The following TMEM181 variants were observed in gnomAD, a reference collection of about 807,000 sequenced individuals.
TMEM181 encodes transmembrane protein 181, also known as G protein-coupled receptor 178.
A neutral mutation model predicts 71.9 loss-of-function variants in TMEM181; 39 were observed. The ratio of observed to expected loss-of-function variants is 0.54; its 90% CI spans 0.42 to 0.71. TMEM181 has a LOEUF of 0.71. TMEM181 is among the 30% of genes least tolerant of loss of function. The pLI is 0.00. For synonymous variants in TMEM181, 245 were observed against 228.8 expected (o/e 1.07, Z -0.64); for missense variants, 595 against 583.0 (o/e 1.02, Z -0.21).
chr6:158,581,062 G>T lies in TMEM181; in HGVS notation c.168+67G>T, dbSNP rs940088657. On this transcript the variant is annotated intron_variant, in intron 3 of 16. Transcript: ENST00000684151. ...TATAAACCTCAGGTCACTGAGAAAT[G>T]GTTCCGCTTAGAGTCTTTAAGGTAG... 3.4e-6 allele frequency: 5 copies of T among 1,482,238 alleles called. No individual in the cohort carries two copies. The South Asian group carries it at 5.8e-5, about 17-fold the overall frequency. 91.8% of individuals were successfully genotyped at this position (1,482,238 alleles called of 1,614,324 possible). A position where few individuals can be genotyped will look rare whatever the true frequency, so the allele number is the denominator to read the frequency against.
exon 1 of TMEM181, chr6:158,536,645 C>G: frequency 1.4e-6 from 2 of 1,470,502 alleles, no homozygotes; most frequent in East Asian, 5.6e-5. Context: ...GCGCCAGCAG[C>G]CCGATCCCCA....
At chr6:158,561,026 A>G (rs543938720) in intron 1 of TMEM181, among the ~76,000 whole-genome samples, 7 of 152,172 alleles carry the variant, frequency 4.6e-5, no homozygotes, top group East Asian at 1.9e-4. Context: ...GGAGTGGCCC[A>G]TATGTGCAGC....
At chr6:158,601,197 G>A (rs563746757) in intron 6 of TMEM181, among the ~76,000 whole-genome samples, 39 of 152,252 alleles carry the variant, frequency 2.6e-4, no homozygotes, top group African/African-American at 9.4e-4. Flanking sequence ...ATTGTTTACT[G>A]AACTTTTGCT....
intron 3 of TMEM181, among the ~76,000 whole-genome samples, chr6:158,582,208 C>T (rs180871229): frequency 1.0e-3 from 156 of 152,196 alleles, no homozygotes; most frequent in African/African-American, 3.3e-3. Context: ...GAGGAGGTGC[C>T]GCCGTGGGCT....
At chr6:158,628,785 C>T (rs565654344) in intron 14 of TMEM181, among the ~76,000 whole-genome samples, 11 of 152,342 alleles carry the variant, frequency 7.2e-5, no homozygotes, top group South Asian at 6.2e-4. Context: ...AGCGTGCCCA[C>T]GCCACGCTGC....
intron 1 of TMEM181, among the ~76,000 whole-genome samples, chr6:158,541,570 G>A (rs1781346412): frequency 6.6e-6 from 1 of 152,190 alleles, no homozygotes; most frequent in African/African-American, 2.4e-5. Context: ...CCCACACAAA[G>A]CTCAGTGACT....
intron 1 of TMEM181, among the ~76,000 whole-genome samples, chr6:158,539,122 G>C (rs1440623120): frequency 6.6e-6 from 1 of 152,214 alleles, no homozygotes; most frequent in East Asian, 1.9e-4. Flanking sequence ...CACTTCCTTA[G>C]TTGAGTTGGA....
intron 6 of TMEM181, among the ~76,000 whole-genome samples, chr6:158,594,800 G>T (rs1784304017): frequency 6.6e-6 from 1 of 152,294 alleles, no homozygotes; most frequent in South Asian, 2.1e-4. Context: ...CGATTCTCCT[G>T]CCTCAGCCTC....
chr6:158,606,583 T>C (rs564118989), intron 7 of TMEM181, among the ~76,000 whole-genome samples: 2 of 152,346 alleles, frequency 1.3e-5, no homozygotes, highest in Admixed American at 1.3e-4. Flanking sequence ...TATATCAGAT[T>C]ATACGAAAAC....
rs748880960 is a variant in TMEM181 at position 158,536,847 on chromosome 6, A to C, written c.113A>C (p.Lys38Thr). ...CTCAAGGAGGACCTCACGCCCTTCA[A>C]GGATGACCGCTACTACAGGTGGGCG... The change falls in exon 1 of 17, where the codon AAG becomes ACG. Residue 38 changes from lysine to threonine, a missense_variant. By Grantham distance (78) the Lys-to-Thr change is moderately conservative (BLOSUM62 -1). Coordinates refer to the TMEM181 transcript ENST00000367090. 5.4e-6 allele frequency: 8 copies of C among 1,493,770 alleles called. No individual in the cohort carries two copies. In the African/African-American group the frequency reaches 1.1e-4, roughly 21 times the overall value. The allele number at this position is 1,493,770 out of a possible 1,614,324, so 92.5% of individuals were successfully genotyped here.
chr6:158,584,672 G>A (rs1358416449), intron 4 of TMEM181, among the ~76,000 whole-genome samples: 1 of 152,172 alleles, frequency 6.6e-6, no homozygotes, highest in Non-Finnish European at 1.5e-5. Context: ...GAGACACTCT[G>A]GTTGAGAAAG....
intron 10 of TMEM181, among the ~76,000 whole-genome samples, chr6:158,612,366 G>A (rs573979426): frequency 6.6e-6 from 1 of 152,342 alleles, no homozygotes; most frequent in South Asian, 2.1e-4. Flanking sequence ...TTCCTGCTGG[G>A]TGGGAGAGGT....
chr6:158,564,844 TA>T (rs1247389720), intron 1 of TMEM181, among the ~76,000 whole-genome samples: 2 of 151,950 alleles, frequency 1.3e-5, no homozygotes, highest in Non-Finnish European at 2.9e-5. Context: ...ATTGGAAAAA[TA>T]AAAACAACAG....
At chr6:158,621,224 CTCTG>C (rs1373469105) in intron 10 of TMEM181, among the ~76,000 whole-genome samples, 3 of 152,250 alleles carry the variant, frequency 2.0e-5, no homozygotes, top group Non-Finnish European at 2.9e-5. Context: ...ACTTTCCCCT[CTCTG>C]TCTGTGCCCA....
chr6:158,572,351 C>T (rs1782902803), intron 1 of TMEM181: 1 of 455,486 alleles, frequency 2.2e-6, no homozygotes, highest in Middle Eastern at 3.3e-4. Context: ...GGCTGCCTGT[C>T]CCTGAGGTGA....
At position 158,635,130 on chromosome 6, in the gene TMEM181, AC is replaced by A. The variant is rs1445408134; in HGVS notation, c.*3243del. Reference sequence around the variant, plus strand: ...TTTATCTTGGTTTGACATTGGAGATACGCTAGTAACTGTGATACCATACTAT... The same window carrying A: ...TTTATCTTGGTTTGACATTGGAGATAGCTAGTAACTGTGATACCATACTAT... On this transcript the variant is annotated 3_prime_UTR_variant, in exon 17 of 17. Coordinates refer to ENST00000684151, the MANE Select transcript of TMEM181 (RefSeq NM_001376852.1). 2.0e-5 allele frequency: 3 copies of A among 152,210 alleles called. No homozygotes were observed. Among genetic ancestry groups the A allele is most frequent in the Non-Finnish European group, 2.9e-5 (2 of 68,042 alleles). The allele number at this position is 152,210 out of a possible 1,614,324, so 9.4% of individuals were successfully genotyped here.
At chr6:158,558,997 C>G (rs749215927), upstream of TMEM181, among the ~76,000 whole-genome samples, 13 of 152,188 alleles carry the variant, frequency 8.5e-5, no homozygotes, top group Non-Finnish European at 1.3e-4. Flanking sequence ...AAGAAATAAT[C>G]TTTTGTTATT....
intron 5 of TMEM181, among the ~76,000 whole-genome samples, chr6:158,586,062 G>A (rs1783754344): frequency 6.6e-6 from 1 of 152,212 alleles, no homozygotes; most frequent in Non-Finnish European, 1.5e-5. Context: ...TAATCCGTCT[G>A]TGTGAAGCCA....
chr6:158,602,272 T>G (rs914455938), intron 6 of TMEM181, among the ~76,000 whole-genome samples: 1 of 152,216 alleles, frequency 6.6e-6, no homozygotes, highest in Admixed American at 6.5e-5. Context: ...TAACAGAAAT[T>G]GTTTATTCAT....
Sources: allele counts gnomAD v4.1 joint callset (sites outside exome capture counted in the v4.1 genomes callset), GRCh38; gene constraint gnomAD v4.1.1; transcripts MANE v1.5; gene names NCBI Gene and HGNC (gene_info 2026-07-23, HGNC 2026-07-21).